CDH4: variants seen among roughly 807,000 people sequenced by gnomAD.
CDH4 encodes the protein cadherin 4.
Under a neutral mutation model 86.0 loss-of-function variants are expected in CDH4, and 33 were observed. That is an observed-to-expected ratio of 0.38 (90% CI 0.29 to 0.51). The LOEUF is 0.51. Ranked by LOEUF, CDH4 falls within the 20% of genes least tolerant of loss-of-function variation. CDH4 has a pLI of 0.86. For missense variants in CDH4, 1,114 were observed against 1,307.4 expected, an observed-to-expected ratio of 0.85 and a Z score of 2.28; for synonymous variants, 555 against 549.4, an observed-to-expected ratio of 1.01 and a Z score of -0.14.
chr20:61,631,240 A>G (rs1242477730), intron 2 of CDH4, among the ~76,000 whole-genome samples: 1 of 152,134 alleles, frequency 6.6e-6, no homozygotes, highest in Non-Finnish European at 1.5e-5. Context: ...GTCTGTGTCC[A>G]CTGTGCATGT....
chr20:61,460,144 G>C (rs574013172), intron 2 of CDH4, among the ~76,000 whole-genome samples: 2 of 152,248 alleles, frequency 1.3e-5, no homozygotes, highest in African/African-American at 4.8e-5. Context: ...TAAAACTCAA[G>C]GAGAAAGGCT....
intron 2 of CDH4, among the ~76,000 whole-genome samples, chr20:61,581,599 C>T (rs1284381954): frequency 6.6e-6 from 1 of 152,146 alleles, no homozygotes; most frequent in African/African-American, 2.4e-5. Context: ...TCCGAAGTCA[C>T]ACCTCCTCCT....
intron 2 of CDH4, among the ~76,000 whole-genome samples, chr20:61,304,005 A>G (rs1415504894): frequency 6.6e-6 from 1 of 152,070 alleles, no homozygotes; most frequent in African/African-American, 2.4e-5. Context: ...CCGTAGGGAT[A>G]GGCTCCTGCC....
chr20:61,853,151 C>T lies in CDH4; in HGVS notation c.877+253C>T, dbSNP rs536581720. On this transcript the variant is annotated intron_variant, in intron 6 of 15. Transcript: ENST00000614565. ...GGGCCAACGGGCTGGGAAGAAAACC[C>T]GGGCACTGGGAGTCCTGGGGACAGC... 2.8e-4 allele frequency among the ~76,000 whole-genome samples: 43 copies of T among 152,300 alleles called. No homozygotes were observed. In the East Asian group the frequency reaches 7.4e-3, roughly 26 times the overall value.
rs1328100671 is a variant in CDH4, at chr20:61,269,466, G to A, written c.169+14529G>A. Among the ~76,000 whole-genome samples, 4 of 152,204 alleles carry A rather than the reference G, an allele frequency of 2.6e-5. No individual in the cohort carries two copies. The highest frequency in any genetic ancestry group is 4.4e-5 in the Non-Finnish European group (3 of 68,008). On this transcript the variant is annotated intron_variant, in intron 2 of 15. Transcript: ENST00000614565. The surrounding 1 kb of genome is among the most constrained non-coding windows in gnomAD (Gnocchi z 5.3). ...TGTGTGACCTTTCCTACCTCCATAG[G>A]AGGGAGATGCCAGGTCCATCTCATG...
intron 5 of CDH4, among the ~76,000 whole-genome samples, chr20:61,845,321 G>A (rs1305891829): frequency 1.3e-5 from 2 of 152,254 alleles, no homozygotes; most frequent in Non-Finnish European, 2.9e-5. Context: ...GCGGCAGAAA[G>A]AGCCTCTGAA....
At chr20:61,644,197 A>G (rs938521756) in intron 2 of CDH4, among the ~76,000 whole-genome samples, 2 of 152,210 alleles carry the variant, frequency 1.3e-5, no homozygotes, top group Non-Finnish European at 2.9e-5. Flanking sequence ...TGCCAAAACC[A>G]GGCTTGGCAG....
At chr20:61,656,529 G>A (rs531088293) in intron 2 of CDH4, among the ~76,000 whole-genome samples, 2 of 152,274 alleles carry the variant, frequency 1.3e-5, no homozygotes, top group East Asian at 3.9e-4. Flanking sequence ...GTGGTCAGGT[G>A]TGTGGCTGTT....
intron 2 of CDH4, among the ~76,000 whole-genome samples, chr20:61,363,496 A>G (rs2084795543): frequency 6.6e-6 from 1 of 151,054 alleles, no homozygotes; most frequent in African/African-American, 2.4e-5. Flanking sequence ...CTACACACAC[A>G]CACCTATGAC....
intron 2 of CDH4, among the ~76,000 whole-genome samples, chr20:61,383,143 A>AAT (rs1255984872): frequency 1.0e-5 from 1 of 96,744 alleles, no homozygotes; most frequent in Non-Finnish European, 2.0e-5. Flanking sequence ...TATATATATG[A>AAT]ATATATATGA....
chr20:61,564,464 G>C (rs1314289937), intron 2 of CDH4, among the ~76,000 whole-genome samples: 1 of 152,098 alleles, frequency 6.6e-6, no homozygotes. Context: ...TTCTCGCTCT[G>C]AGCTCACGGG....
At chr20:61,851,404 G>A (rs1389618057) in intron 5 of CDH4, among the ~76,000 whole-genome samples, 1 of 152,236 alleles carries the variant, frequency 6.6e-6, no homozygotes, top group Non-Finnish European at 1.5e-5. Context: ...TTTCCCTGGG[G>A]CAGGCGTGGA....
chr20:61,266,210 G>T (rs2084157355), intron 2 of CDH4, among the ~76,000 whole-genome samples: 1 of 152,174 alleles, frequency 6.6e-6, no homozygotes, highest in East Asian at 1.9e-4. Context: ...ACAGCCGCAG[G>T]TGTTGAGAGG....
chr20:61,929,962 C>CTT, intron 13 of CDH4, 120 bp downstream of exon 13: 2 of 726,364 alleles, frequency 2.8e-6, no homozygotes, highest in Non-Finnish European at 4.7e-6. Flanking sequence ...TCAGCCTCAT[C>CTT]TGTCAGGAGC....
intron 6 of CDH4, among the ~76,000 whole-genome samples, chr20:61,871,173 C>T (rs1983789801): frequency 6.6e-6 from 1 of 152,028 alleles, no homozygotes; most frequent in Non-Finnish European, 1.5e-5. Flanking sequence ...TTAGTATTTC[C>T]TCTAGTGTGG....
chr20:61,429,064 T>A (rs2085230269), intron 2 of CDH4, among the ~76,000 whole-genome samples: 1 of 143,748 alleles, frequency 7.0e-6, no homozygotes, highest in African/African-American at 2.4e-5. Flanking sequence ...TGACGGTAAC[T>A]TATGTTACCG....
At chr20:61,769,057 G>A (rs940319869) in intron 3 of CDH4, among the ~76,000 whole-genome samples, 2 of 152,150 alleles carry the variant, frequency 1.3e-5, no homozygotes, top group Non-Finnish European at 2.9e-5. Flanking sequence ...AGCTGCAGAT[G>A]CCCAGAGGGC....
chr20:61,660,511 T>A (rs1311243796), intron 2 of CDH4, among the ~76,000 whole-genome samples: 5 of 152,212 alleles, frequency 3.3e-5, no homozygotes, highest in Non-Finnish European at 7.3e-5. Flanking sequence ...GTATCCATTT[T>A]CAAACATCAG....
intron 2 of CDH4, among the ~76,000 whole-genome samples, chr20:61,734,728 C>T (rs891183070): frequency 2.0e-5 from 3 of 151,600 alleles, no homozygotes; most frequent in Admixed American, 1.3e-4. Flanking sequence ...AGGCTTGGGG[C>T]CGTGGGGAGC....
Sources: gnomAD v4.1 joint callset for allele counts (sites outside exome capture counted in the v4.1 genomes callset) on GRCh38, gnomAD v4.1.1 for gene constraint, Gnocchi (gnomAD v3.1) non-coding constraint, MANE v1.5 for transcripts, NCBI Gene and HGNC (gene_info 2026-07-23, HGNC 2026-07-21) for gene names.